Variants in GALNT17 observed in about 807,000 individuals in gnomAD.
GALNT17 encodes polypeptide N-acetylgalactosaminyltransferase 17.
GALNT17 carries 29 observed loss-of-function variants against 63.7 expected under a neutral mutation model. The ratio of observed to expected loss-of-function variants is 0.46; its 90% confidence interval spans 0.34 to 0.62. GALNT17 has a LOEUF of 0.62. GALNT17 is among the 20% of genes least tolerant of loss of function. The pLI, the probability that GALNT17 is intolerant of heterozygous loss-of-function variation, is 0.01. For synonymous variants in GALNT17, 305 were observed against 318.3 expected (o/e 0.96, Z 0.45); for missense variants, 603 against 799.6 (o/e 0.75, Z 2.97).
At chr7:71,352,936 T>A (rs904162021) in intron 2 of GALNT17, among the ~76,000 whole-genome samples, 2 of 152,124 alleles carry the variant, frequency 1.3e-5, no homozygotes, top group Non-Finnish European at 2.9e-5. Context: ...TTTGGCAACA[T>A]GAAGTTCATT....
chr7:71,430,930 C>T (rs1786849581), intron 5 of GALNT17, among the ~76,000 whole-genome samples: 1 of 152,076 alleles, frequency 6.6e-6, no homozygotes, highest in East Asian at 1.9e-4. Flanking sequence ...TAAGCATTTC[C>T]AGCAGGGATA....
chr7:71,475,978 TAC>T (rs767379362), intron 5 of GALNT17, among the ~76,000 whole-genome samples: 5 of 152,222 alleles, frequency 3.3e-5, no homozygotes, highest in South Asian at 4.1e-4. Flanking sequence ...GTGATACTAC[TAC>T]TCCTCCTACT....
intron 10 of GALNT17, 105 bp from the exon 11 acceptor site, chr7:71,711,911 CTT>C (rs1791799534): frequency 2.4e-6 from 3 of 1,263,582 alleles, no homozygotes; most frequent in East Asian, 2.5e-5. Flanking sequence ...TTCTTTTTCT[CTT>C]TGTCATTTTC....
At chr7:71,382,151 G>T (rs993729823) in intron 2 of GALNT17, among the ~76,000 whole-genome samples, 2 of 152,066 alleles carry the variant, frequency 1.3e-5, no homozygotes, top group Non-Finnish European at 2.9e-5. Context: ...AGGCCGAGGT[G>T]GGCAGATCGC....
chr7:71,158,855 G>A (rs1046195574), intron 1 of GALNT17, among the ~76,000 whole-genome samples: 8 of 151,910 alleles, frequency 5.3e-5, no homozygotes, highest in African/African-American at 1.2e-4. Context: ...GATTACAGGC[G>A]TGAGCCACCA....
chr7:71,176,043 C>T (rs1431122407), intron 1 of GALNT17, among the ~76,000 whole-genome samples: 2 of 152,128 alleles, frequency 1.3e-5, no homozygotes, highest in Admixed American at 1.3e-4. Flanking sequence ...CTGTCACTCC[C>T]ATCTGGCTGG....
At chr7:71,460,691 G>C (rs1410542348) in intron 5 of GALNT17, among the ~76,000 whole-genome samples, 1 of 152,206 alleles carries the variant, frequency 6.6e-6, no homozygotes, top group African/African-American at 2.4e-5. Flanking sequence ...ACAGCCCTGA[G>C]GGCTGCTGGT....
In GALNT17 at chr7:71,649,612, AACACACACAC is replaced by A. The variant is rs148658729; in HGVS notation, c.1081-15775_1081-15766del. Among the ~76,000 whole-genome samples, 463 of 146,266 alleles carry A rather than the reference AACACACACAC, an allele frequency of 3.2e-3. 3 individuals carry two copies. The highest frequency in any genetic ancestry group is 0.011 in the African/African-American group (443 of 39,918). On this transcript the variant is annotated intron_variant, in intron 6 of 10. Transcript: ENST00000333538. ...GCCATTCTGCTGGAATTCAGGATTA[AACACACACAC>A]ACACACACACACACACACACACATA...
chr7:71,233,264 C>T (rs1378769127), intron 1 of GALNT17, among the ~76,000 whole-genome samples: 2 of 152,220 alleles, frequency 1.3e-5, no homozygotes, highest in African/African-American at 2.4e-5. Context: ...CCAATCCCTA[C>T]CTTGTGGCTT....
At chr7:71,236,256 G>T (rs1282140569) in intron 1 of GALNT17, among the ~76,000 whole-genome samples, 2 of 152,060 alleles carry the variant, frequency 1.3e-5, no homozygotes, top group East Asian at 1.9e-4. Context: ...TTACACTGAG[G>T]TGTAAGGGGC....
At chr7:71,243,485 CT>C (rs1388068521) in intron 1 of GALNT17, among the ~76,000 whole-genome samples, 1 of 152,118 alleles carries the variant, frequency 6.6e-6, no homozygotes, top group Non-Finnish European at 1.5e-5. Context: ...GTTGGGCGAC[CT>C]TAATTCTACT....
chr7:71,262,263 C>T (rs1219481569), intron 1 of GALNT17, among the ~76,000 whole-genome samples: 3 of 152,050 alleles, frequency 2.0e-5, no homozygotes, highest in Non-Finnish European at 2.9e-5. Context: ...AGGCATGTGC[C>T]ATTTTGCCTG....
At chr7:71,546,686 G>A in intron 5 of GALNT17, among the ~76,000 whole-genome samples, 1 of 152,188 alleles carries the variant, frequency 6.6e-6, no homozygotes. Flanking sequence ...TCACCTAAAA[G>A]CATTGCTGTG....
rs562617360 is a variant in GALNT17, at chr7:71,291,589, C to T, written c.239-43961C>T. Among the ~76,000 whole-genome samples the T allele has an allele frequency of 2.0e-5, 3 of 152,196 alleles. No homozygotes were observed. The East Asian group carries it at 5.8e-4, about 29-fold the overall frequency. ...TTCCTGGACAGTTTTTATTTGTTAACGTTTTCACTGGCATTTTATCCCATT... is the reference window on the plus strand; with the variant it reads ...TTCCTGGACAGTTTTTATTTGTTAATGTTTTCACTGGCATTTTATCCCATT... On this transcript the variant is annotated intron_variant, in intron 1 of 10. Transcript: ENST00000333538.
rs375014978 is a variant in GALNT17, at chr7:71,369,568, T to G, written c.423-18667T>G. 6.0e-4 allele frequency among the ~76,000 whole-genome samples: 91 copies of G among 152,044 alleles called. 1 individual carries two copies. The Middle Eastern group carries it at 0.02, about 34-fold the overall frequency. On this transcript the variant is annotated intron_variant, in intron 2 of 10. Transcript: ENST00000333538. ...TGGCTCACGCCTGTAATCCCAGCAC[T>G]TTGGGAGGCAGAGGTAGGCGGATCA... is the stretch of plus-strand genomic sequence containing the variant.
At chr7:71,659,278 T>G (rs1337948779) in intron 6 of GALNT17, among the ~76,000 whole-genome samples, 1 of 152,260 alleles carries the variant, frequency 6.6e-6, no homozygotes, top group Non-Finnish European at 1.5e-5. Context: ...TATTGCAGTG[T>G]AAGCCCAAAT....
intron 6 of GALNT17, among the ~76,000 whole-genome samples, chr7:71,603,296 A>AAGTGCATACACCAGGTACTATGCT (rs1295722252): frequency 6.6e-6 from 1 of 152,090 alleles, no homozygotes; most frequent in African/African-American, 2.4e-5. Context: ...ATACTATGCT[A>AAGTGCATACACCAGGTACTATGCT]AGTGCATACA....
rs114677697 is a variant in GALNT17 at position 71,336,551 on chromosome 7, G to T, written c.422+818G>T. On this transcript the variant is annotated intron_variant, in intron 2 of 10. Transcript: ENST00000333538. ...ATTGTTCCCCTCTTTATGTCCATGT[G>T]TACTCGTCGTTTAGCCCCGACTTAT... 3.7e-3 allele frequency among the ~76,000 whole-genome samples: 565 copies of T among 152,152 alleles called. 3 individuals are homozygous for T. Among genetic ancestry groups the T allele is most frequent in the African/African-American group, 0.013 (530 of 41,524 alleles).
At chr7:71,372,002 A>G (rs1258791927) in intron 2 of GALNT17, among the ~76,000 whole-genome samples, 1 of 152,140 alleles carries the variant, frequency 6.6e-6, no homozygotes, top group Non-Finnish European at 1.5e-5. Flanking sequence ...GTTGTGTGTG[A>G]CAGGGTCTCA....
Sources: allele counts gnomAD v4.1 joint callset (sites outside exome capture counted in the v4.1 genomes callset), GRCh38; gene constraint gnomAD v4.1.1; transcripts MANE v1.5; gene names NCBI Gene and HGNC (gene_info 2026-07-23, HGNC 2026-07-21).